The following RAVER2 variants were observed in gnomAD, a reference collection of about 807,000 sequenced individuals.
RAVER2 encodes the protein ribonucleoprotein PTB-binding 2.
Under a neutral mutation model 78.1 loss-of-function variants are expected in RAVER2, and 46 were observed. The ratio of observed to expected loss-of-function variants is 0.59; its 90% CI spans 0.46 to 0.75. RAVER2 has a LOEUF of 0.75. RAVER2 is among the 30% of genes least tolerant of loss of function. The pLI is 0.00. For synonymous variants in RAVER2, 311 were observed against 313.3 expected, an observed-to-expected ratio of 0.99 and a Z score of 0.08; for missense variants, 793 against 837.5, an observed-to-expected ratio of 0.95 and a Z score of 0.66.
Position 64,745,277 on chromosome 1 carries a change from C to G in RAVER2, c.105C>G (p.Ala35=), listed in dbSNP as rs1411256598. 9 of 1,403,780 alleles carry G rather than the reference C, an allele frequency of 6.4e-6. No homozygotes were observed. Among genetic ancestry groups the G allele is most frequent in the Non-Finnish European group, 8.4e-6 (9 of 1,072,210 alleles). The allele number at this position is 1,403,780 out of a possible 1,614,324, so 87.0% of individuals were successfully genotyped here. ...GGCTGCGCGGGCAGGGCCCCTCAGC[C>G]GAAGCGCACGAGGGCGCCCCGGACC... The change falls in exon 1 of 12, where the codon GCC becomes GCG. Residue 35 remains alanine, a synonymous_variant. Coordinates refer to ENST00000294428, the Ensembl canonical transcript of RAVER2. The surrounding 1 kb of genome is among the most constrained non-coding windows in gnomAD (Gnocchi z 4.3).
intron 5 of RAVER2, among the ~76,000 whole-genome samples, chr1:64,790,017 A>G (rs1652891785): frequency 6.6e-6 from 1 of 152,240 alleles, no homozygotes; most frequent in African/African-American, 2.4e-5. Context: ...TTATAATATC[A>G]GTATACATTA....
exon 12 of RAVER2, chr1:64,832,323 G>A (rs1363684805): frequency 2.0e-5 from 3 of 152,524 alleles, no homozygotes; most frequent in African/African-American, 7.2e-5. Flanking sequence ...GTGTGTTAGG[G>A]TGAAAAATCA....
intron 1 of RAVER2, among the ~76,000 whole-genome samples, chr1:64,763,043 G>A (rs78846439): frequency 6.6e-6 from 1 of 152,174 alleles, no homozygotes; most frequent in Non-Finnish European, 1.5e-5. Context: ...GGCACAGTGG[G>A]TCACGCCTGT....
At chr1:64,794,709 A>T (rs1162759901) in intron 5 of RAVER2, among the ~76,000 whole-genome samples, 8 of 152,118 alleles carry the variant, frequency 5.3e-5, no homozygotes, top group Admixed American at 6.5e-5. Flanking sequence ...TTGTCTTCTT[A>T]TCAAGTTGTA....
intron 11 of RAVER2, chr1:64,815,856 T>G (rs1337672113): frequency 6.6e-6 from 1 of 152,246 alleles, no homozygotes; most frequent in Non-Finnish European, 1.5e-5. Flanking sequence ...GTAGATGATG[T>G]AATTAGGTGA....
intron 11 of RAVER2, among the ~76,000 whole-genome samples, chr1:64,817,100 A>AACAG (rs1159805553): frequency 6.6e-6 from 1 of 152,240 alleles, no homozygotes; most frequent in East Asian, 1.9e-4. Flanking sequence ...AAAAGATATG[A>AACAG]ACAGACACTT....
In RAVER2 at chr1:64,807,504, A is replaced by G. The variant is rs758091377; in HGVS notation, c.1680+30A>G. On this transcript the variant is annotated intron_variant, in intron 9 of 11. Transcript: ENST00000294428. Reference sequence around the variant, plus strand: ...GAAAACTGTGGGTGCACACAGATGTATATATACATGTATATGTATATATAT... The same window carrying G: ...GAAAACTGTGGGTGCACACAGATGTGTATATACATGTATATGTATATATAT... The G allele has an allele frequency of 1.6e-5, 25 of 1,600,880 alleles. No individual in the cohort carries two copies. In the Admixed American group the frequency reaches 3.4e-4, roughly 22 times the overall value.
At chr1:64,771,471 C>T (rs1454788312) in intron 2 of RAVER2, among the ~76,000 whole-genome samples, 1 of 151,900 alleles carries the variant, frequency 6.6e-6, no homozygotes, top group Non-Finnish European at 1.5e-5. Flanking sequence ...TCTGGACCTA[C>T]CCAACAAAAT....
intron 4 of RAVER2, among the ~76,000 whole-genome samples, chr1:64,782,974 T>TG (rs1251856488): frequency 6.6e-6 from 1 of 152,132 alleles, no homozygotes; most frequent in East Asian, 1.9e-4. Context: ...AGTGAGAACA[T>TG]GCGGTGTTTG....
intron 5 of RAVER2, among the ~76,000 whole-genome samples, chr1:64,790,360 C>A (rs1221946679): frequency 1.3e-5 from 2 of 152,206 alleles, no homozygotes; most frequent in East Asian, 3.8e-4. Flanking sequence ...GTATACATTA[C>A]CCACCCATTA....
intron 1 of RAVER2, among the ~76,000 whole-genome samples, chr1:64,764,551 T>C (rs1295007459): frequency 6.6e-6 from 1 of 152,140 alleles, no homozygotes; most frequent in African/African-American, 2.4e-5. Flanking sequence ...ATTGATAAAT[T>C]TGATATTATT....
At chr1:64,788,348 T>G (rs1445235388) in intron 4 of RAVER2, among the ~76,000 whole-genome samples, 1 of 151,592 alleles carries the variant, frequency 6.6e-6, no homozygotes, top group East Asian at 1.9e-4. Flanking sequence ...GGCGGGCACC[T>G]GTAGTCCCAG....
intron 1 of RAVER2, among the ~76,000 whole-genome samples, chr1:64,761,901 G>A (rs896399844): frequency 6.6e-6 from 1 of 151,944 alleles, no homozygotes; most frequent in African/African-American, 2.4e-5. Context: ...CTTGAGCCCA[G>A]GAGTTTGAGA....
chr1:64,778,151 T>A, intron 3 of RAVER2, 59 bp downstream of exon 3: 1 of 1,202,456 alleles, frequency 8.3e-7, no homozygotes, highest in Non-Finnish European at 1.1e-6. Context: ...GTATCTAATC[T>A]ACATACACTC....
At chr1:64,814,931 A>G (rs1653719303) in intron 11 of RAVER2, 91 bp downstream of exon 11, 6 of 1,174,046 alleles carry the variant, frequency 5.1e-6, no homozygotes, top group African/African-American at 1.6e-5. Flanking sequence ...TTTCTATATT[A>G]TTAACGTAGG....
At chr1:64,784,714 A>C (rs539109554) in intron 4 of RAVER2, among the ~76,000 whole-genome samples, 2 of 152,200 alleles carry the variant, frequency 1.3e-5, no homozygotes, top group African/African-American at 2.4e-5. Context: ...TCTATGTTCT[A>C]TAATATCTAT....
chr1:64,816,112 A>G (rs1226523433), intron 11 of RAVER2: 3 of 152,206 alleles, frequency 2.0e-5, no homozygotes, highest in Non-Finnish European at 4.4e-5. Context: ...AATTCATTAA[A>G]TACATATTTA....
chr1:64,794,543 A>G (rs980953535), intron 5 of RAVER2, among the ~76,000 whole-genome samples: 24 of 151,778 alleles, frequency 1.6e-4, no homozygotes, highest in Non-Finnish European at 5.9e-5. Flanking sequence ...TAGCCTTTCT[A>G]TTGGATGTAT....
At chr1:64,774,972 CTGTT>C (rs1652422436) in intron 2 of RAVER2, among the ~76,000 whole-genome samples, 1 of 152,110 alleles carries the variant, frequency 6.6e-6, no homozygotes, top group African/African-American at 2.4e-5. Flanking sequence ...ATTTGGCTCT[CTGTT>C]TGTCTGTTAT....
Sources: allele counts gnomAD v4.1 joint callset (sites outside exome capture counted in the v4.1 genomes callset), GRCh38; gene constraint gnomAD v4.1.1; non-coding constraint Gnocchi (gnomAD v3.1); transcripts MANE v1.5; gene names NCBI Gene and HGNC (gene_info 2026-07-23, HGNC 2026-07-21).